Variants in FSTL4 observed in about 807,000 individuals in gnomAD.
The protein encoded by FSTL4 is follistatin like 4.
Under a neutral mutation model 78.2 loss-of-function variants are expected in FSTL4, and 28 were observed. The ratio of observed to expected loss-of-function variants is 0.36; its 90% CI spans 0.27 to 0.49. The LOEUF is 0.49. Among genes scored for constraint, FSTL4 ranks in the 20% least tolerant of loss-of-function variants. The pLI is 0.98. For synonymous variants in FSTL4, 422 were observed against 440.5 expected (o/e 0.96, Z 0.53); for missense variants, 922 against 1,084.9 (o/e 0.85, Z 2.11).
the FSTL4 span, among the ~76,000 whole-genome samples, chr5:133,673,559 C>T: frequency 6.6e-6 from 1 of 152,254 alleles, no homozygotes; most frequent in African/African-American, 2.4e-5. Flanking sequence ...CCTAATTTGA[C>T]ATCTCACGAT....
intron 4 of FSTL4, among the ~76,000 whole-genome samples, chr5:133,354,505 A>G (rs1441122258): frequency 6.6e-6 from 1 of 152,214 alleles, no homozygotes; most frequent in African/African-American, 2.4e-5. Flanking sequence ...GCCCAGGCCC[A>G]GGTCTCACTG....
rs926955880 is a variant in FSTL4 at position 133,196,899 on chromosome 5, T to G, written c.*2196A>C. The G allele has an allele frequency of 2.0e-5, 3 of 152,306 alleles. No individual in the cohort carries two copies. Among genetic ancestry groups the G allele is most frequent in the African/African-American group, 7.2e-5 (3 of 41,478 alleles). The allele number at this position is 152,306 out of a possible 1,614,324, so 9.4% of individuals were successfully genotyped here. A position where few individuals can be genotyped will look rare whatever the true frequency, so the allele number is the denominator to read the frequency against. ...TTCGATTCAGTTGTGTCTGGCATGC[T>G]GTCAGTGAGACCTAAGCCTGCCGTC... is the stretch of plus-strand genomic sequence containing the variant. On this transcript the variant is annotated 3_prime_UTR_variant, in exon 16 of 16. Coordinates refer to ENST00000265342, the MANE Select transcript of FSTL4 (RefSeq NM_015082.2).
At chr5:133,560,659 C>T (rs187190446) in intron 3 of FSTL4, among the ~76,000 whole-genome samples, 4 of 152,044 alleles carry the variant, frequency 2.6e-5, no homozygotes, top group East Asian at 1.9e-4. Flanking sequence ...CCACCGTGCC[C>T]GGTCGTTTGT....
At chr5:133,398,530 C>A (rs1756131491) in intron 4 of FSTL4, among the ~76,000 whole-genome samples, 1 of 152,240 alleles carries the variant, frequency 6.6e-6, no homozygotes, top group Admixed American at 6.5e-5. Flanking sequence ...CCTCTGCGTT[C>A]TTCACAGTTT....
At chr5:133,394,434 G>A (rs1219369181) in intron 4 of FSTL4, among the ~76,000 whole-genome samples, 1 of 152,236 alleles carries the variant, frequency 6.6e-6, no homozygotes, top group Non-Finnish European at 1.5e-5. Context: ...GGCTTGGTGG[G>A]CCCTGCACTC....
chr5:133,648,678 A>C, the FSTL4 span, among the ~76,000 whole-genome samples: 1 of 152,196 alleles, frequency 6.6e-6, no homozygotes, highest in African/African-American at 2.4e-5. Context: ...AGGGCAAAGA[A>C]AGGGACCCAG....
rs540504755 is a variant in FSTL4 at position 133,478,780 on chromosome 5, T to C, written c.161-77794A>G. On this transcript the variant is annotated intron_variant, in intron 3 of 15. Coordinates refer to ENST00000265342, the MANE Select transcript of FSTL4 (RefSeq NM_015082.2). ...CGAGTGCAGTTTCTGCTTGGGGCTA[T>C]TGAGGCCTCTGCGATGACCCGGATT... is the stretch of plus-strand genomic sequence containing the variant. Among the ~76,000 whole-genome samples the C allele has an allele frequency of 5.9e-5, 9 of 152,150 alleles. 1 individual carries two copies. The highest frequency in any genetic ancestry group is 2.2e-4 in the African/African-American group (9 of 41,518).
At chr5:133,672,680 T>C in the FSTL4 span, among the ~76,000 whole-genome samples, 1 of 152,168 alleles carries the variant, frequency 6.6e-6, no homozygotes, top group African/African-American at 2.4e-5. Flanking sequence ...AAAGCATCTA[T>C]GGAGGTGTCA....
chr5:133,310,559 C>T (rs1581609523), intron 6 of FSTL4, among the ~76,000 whole-genome samples: 1 of 152,304 alleles, frequency 6.6e-6, no homozygotes. Flanking sequence ...CTCATGGGAA[C>T]TGTGCTCATA....
At chr5:133,451,491 G>C (rs1426133067) in intron 3 of FSTL4, among the ~76,000 whole-genome samples, 1 of 152,220 alleles carries the variant, frequency 6.6e-6, no homozygotes, top group Non-Finnish European at 1.5e-5. Context: ...AACCCAGGAG[G>C]GGGAGGTTGC....
At chr5:133,294,284 G>T (rs1159519309) in intron 6 of FSTL4, among the ~76,000 whole-genome samples, 1 of 152,170 alleles carries the variant, frequency 6.6e-6, no homozygotes, top group African/African-American at 2.4e-5. Flanking sequence ...GGTACTCTGT[G>T]TGGTGTCCAG....
At chr5:133,701,359 C>A in the FSTL4 span, among the ~76,000 whole-genome samples, 1 of 149,434 alleles carries the variant, frequency 6.7e-6, no homozygotes, top group Non-Finnish European at 1.5e-5. Context: ...GCCGAGATCA[C>A]GCCACTGCAC....
chr5:133,547,261 GA>G (rs1759597879), intron 3 of FSTL4, among the ~76,000 whole-genome samples: 2 of 152,256 alleles, frequency 1.3e-5, no homozygotes, highest in South Asian at 4.1e-4. Flanking sequence ...TCTTAGAAGG[GA>G]AATGTCTATC....
intron 4 of FSTL4, 92 bp downstream of exon 4, chr5:133,400,646 C>T (rs185408125): frequency 4.8e-4 from 553 of 1,163,510 alleles, no homozygotes; most frequent in Non-Finnish European, 6.6e-4. Context: ...ACATATGTAA[C>T]TTGTAGACTC....
At chr5:133,628,018 G>A in the FSTL4 span, among the ~76,000 whole-genome samples, 2 of 152,008 alleles carry the variant, frequency 1.3e-5, no homozygotes, top group African/African-American at 4.8e-5. Context: ...AACAACCTGG[G>A]TAAATAAGGA....
At chr5:133,551,560 C>A (rs1759691216) in intron 3 of FSTL4, among the ~76,000 whole-genome samples, 2 of 152,226 alleles carry the variant, frequency 1.3e-5, no homozygotes, top group Non-Finnish European at 2.9e-5. Context: ...TAGCCATGCT[C>A]ATGCTCCGCT....
At chr5:133,365,188 T>C (rs956108354) in intron 4 of FSTL4, among the ~76,000 whole-genome samples, 3 of 151,906 alleles carry the variant, frequency 2.0e-5, no homozygotes, top group African/African-American at 7.3e-5. Flanking sequence ...TGTTGTTGCT[T>C]GCAGTCAAAA....
At chr5:133,639,133 C>T in the FSTL4 span, among the ~76,000 whole-genome samples, 1 of 152,072 alleles carries the variant, frequency 6.6e-6, no homozygotes, top group Admixed American at 6.6e-5. Flanking sequence ...CCTTGTTCCC[C>T]ACTCCCCGAC....
At chr5:133,474,430 T>A (rs1757887425) in intron 3 of FSTL4, among the ~76,000 whole-genome samples, 1 of 151,942 alleles carries the variant, frequency 6.6e-6, no homozygotes, top group Non-Finnish European at 1.5e-5. Context: ...CGTGAAGGAG[T>A]GTCCCTAGCT....
Sources: gnomAD v4.1 joint callset for allele counts (sites outside exome capture counted in the v4.1 genomes callset) on GRCh38, gnomAD v4.1.1 for gene constraint, MANE v1.5 for transcripts, NCBI Gene and HGNC (gene_info 2026-07-23, HGNC 2026-07-21) for gene names.